The following CMYA5 variants were observed in gnomAD, a reference collection of about 807,000 sequenced individuals.
The protein encoded by CMYA5 is cardiomyopathy-associated protein 5.
A neutral mutation model predicts 318.9 loss-of-function variants in CMYA5; 246 were observed. The observed-to-expected ratio is 0.77, with a 90% confidence interval of 0.70 to 0.86. The LOEUF (loss-of-function observed/expected upper bound fraction) is 0.86. Ranked by LOEUF, CMYA5 falls within the 40% of genes least tolerant of loss-of-function variation. The pLI is 0.00. For missense variants in CMYA5, 4,589 were observed against 4,678.2 expected (o/e 0.98, Z 0.56); for synonymous variants, 1,641 against 1,729.5 (o/e 0.95, Z 1.27).
At chr5:79,696,198 A>C (rs1827063130) in intron 1 of CMYA5, among the ~76,000 whole-genome samples, 1 of 152,224 alleles carries the variant, frequency 6.6e-6, no homozygotes, top group Non-Finnish European at 1.5e-5. Context: ...TGGAGGGAAC[A>C]GTGATAAGTA....
At chr5:79,796,254 G>A (rs995458245) in intron 12 of CMYA5, among the ~76,000 whole-genome samples, 4 of 152,142 alleles carry the variant, frequency 2.6e-5, no homozygotes, top group African/African-American at 4.8e-5. Context: ...GGTGCCACAC[G>A]TGGCTATTAA....
At position 79,790,951 on chromosome 5, in the gene CMYA5, A is replaced by G. The variant is rs778147883; in HGVS notation, c.11690-19A>G. 118 of 1,561,922 alleles carry G rather than the reference A, an allele frequency of 7.6e-5. No homozygotes were observed. Among genetic ancestry groups the G allele is most frequent in the Middle Eastern group, 6.7e-4 (4 of 5,982 alleles). On this transcript the variant is annotated intron_variant, in intron 10 of 12. Transcript: ENST00000446378. ...GTCCTTGTGGCAATGTTTTAATACT[A>G]TTTTCTCACCTGCAATAGGAACCAG...
At position 79,736,627 on chromosome 5, in the gene CMYA5, C is replaced by T. The variant is rs779463891; in HGVS notation, c.7862C>T (p.Pro2621Leu). ...AAGGCAGTAGGAACCCAACCACATCCTTTAGAAGAAAGTAAAGTTTTGGTG... is the reference window on the plus strand; with the variant it reads ...AAGGCAGTAGGAACCCAACCACATCTTTTAGAAGAAAGTAAAGTTTTGGTG... ...EAKAVGTQPHPLEESKVLVEK... is the reference protein window; with the variant it reads ...EAKAVGTQPHLLEESKVLVEK... Residue 2621 changes from proline to leucine, a missense_variant, in exon 2 of 13, where the codon CCT (proline) becomes CTT (leucine). By Grantham distance (98) the Pro-to-Leu change is moderately conservative (BLOSUM62 -3). Around this residue, in one of 3 missense-constraint regions of CMYA5, gnomAD observed 2,431 missense variants for 2,495.1 expected, o/e 0.97. Coordinates refer to ENST00000446378, the MANE Select transcript of CMYA5 (RefSeq NM_153610.5). The T allele has an allele frequency of 6.2e-7, 1 of 1,613,668 alleles. No individual in the cohort carries two copies. The highest frequency in any genetic ancestry group is 1.3e-5 in the African/African-American group (1 of 74,886).
intron 1 of CMYA5, among the ~76,000 whole-genome samples, chr5:79,727,983 A>G (rs1440578136): frequency 6.6e-6 from 1 of 152,222 alleles, no homozygotes; most frequent in Non-Finnish European, 1.5e-5. Flanking sequence ...TACAGATAAC[A>G]TTTATTGAGT....
At chr5:79,709,062 C>T (rs145773165) in intron 1 of CMYA5, among the ~76,000 whole-genome samples, 2 of 152,010 alleles carry the variant, frequency 1.3e-5, no homozygotes, top group African/African-American at 2.4e-5. Flanking sequence ...AGGTAAGAGC[C>T]GGCTCAGTGA....
chr5:79,771,579 G>A (rs912661235), intron 9 of CMYA5, among the ~76,000 whole-genome samples: 1 of 152,156 alleles, frequency 6.6e-6, no homozygotes, highest in Non-Finnish European at 1.5e-5. Context: ...ATCTCACTAG[G>A]GAACAGTGAT....
chr5:79,793,347 T>C, intron 11 of CMYA5, 90 bp from the exon 12 acceptor site: 1 of 1,314,636 alleles, frequency 7.6e-7, no homozygotes, highest in Non-Finnish European at 1.1e-6. Context: ...GAATCCTGCC[T>C]AAACTGTGTG....
chr5:79,726,292 C>T (rs1580762153), intron 1 of CMYA5, among the ~76,000 whole-genome samples: 5 of 152,180 alleles, frequency 3.3e-5, no homozygotes, highest in African/African-American at 9.7e-5. Context: ...CATGGGCATT[C>T]AAAATGCTGA....
chr5:79,794,361 T>C (rs1037427207), intron 12 of CMYA5, among the ~76,000 whole-genome samples: 10 of 152,212 alleles, frequency 6.6e-5, no homozygotes, highest in African/African-American at 2.4e-4. Context: ...ATTGTTTGGT[T>C]GGTTGATGTG....
chr5:79,754,731 A>C (rs185475274), intron 6 of CMYA5, among the ~76,000 whole-genome samples: 1 of 152,286 alleles, frequency 6.6e-6, no homozygotes, highest in Non-Finnish European at 1.5e-5. Flanking sequence ...AGTGGCATTA[A>C]GGACATTCAC....
intron 1 of CMYA5, among the ~76,000 whole-genome samples, chr5:79,701,433 A>G (rs1827173280): frequency 6.6e-6 from 1 of 152,204 alleles, no homozygotes; most frequent in Non-Finnish European, 1.5e-5. Context: ...ACTTGATTGT[A>G]AAATGTCTCA....
At position 79,785,645 on chromosome 5, in the gene CMYA5, C is replaced by T. The variant is rs141500773; in HGVS notation, c.11556-3326C>T. ...ATATCTAGCCATCTTACTGAATTCT[C>T]TTATTATGTAAGAGTTTTTCAACTG... On this transcript the variant is annotated intron_variant, in intron 9 of 12. Transcript: ENST00000446378. Among the ~76,000 whole-genome samples, 184 of 152,066 alleles carry T rather than the reference C, an allele frequency of 1.2e-3. 2 individuals are homozygous for T. Among genetic ancestry groups the T allele is most frequent in the African/African-American group, 4.2e-3 (175 of 41,476 alleles).
At position 79,736,358 on chromosome 5, in the gene CMYA5, T is replaced by C. The variant is rs1374138868; in HGVS notation, c.7593T>C (p.Val2531=). 6.2e-7 allele frequency: 1 copy of C among 1,613,480 alleles called. No homozygotes were observed. The highest frequency in any genetic ancestry group is 1.7e-5 in the Admixed American group (1 of 59,896). The change falls in exon 2 of 13, where the codon GTT becomes GTC. Residue 2531 remains valine, a synonymous_variant. Transcript: ENST00000446378. ...ACAATGAAAGACCCAAAATCATTGT[T>C]GGTTCTGAAAAGGAGAAAGGTGAAG... ...EDYNERPKII[V]GSEKEKGEEK... is the part of the protein sequence containing the mutation.
In CMYA5 at chr5:79,729,997, ACT is replaced by A; in HGVS notation, c.1235_1236del (p.Ser412PhefsTer8). 3 of 1,613,968 alleles carry A rather than the reference ACT, an allele frequency of 1.9e-6. No individual in the cohort carries two copies. The Admixed American group carries it at 5.0e-5, about 27-fold the overall frequency. On this transcript the variant is annotated frameshift_variant, in exon 2 of 13. Coordinates refer to ENST00000446378, the MANE Select transcript of CMYA5 (RefSeq NM_153610.5). LOFTEE classifies it high-confidence loss of function. ...CCAGGAACTGCAGCTTCAGAGAATG[ACT>A]CTTCAGTCTCACCATCATTTGCTAA...
At position 79,734,760 on chromosome 5, in the gene CMYA5, A is replaced by G; in HGVS notation, c.5995A>G (p.Asn1999Asp). Residue 1999 changes from asparagine (N) to aspartate (D), a missense_variant, in exon 2 of 13, where the codon AAT becomes GAT. Transcript: ENST00000446378. The part of the protein sequence containing the change: ...EEPKSLVLAG[N>D]VERNIAEGKE... ...ACCAAAGTCTTTAGTCCTAGCTGGAAATGTAGAGAGAAACATAGCAGAGGG... is the reference window on the plus strand; with the variant it reads ...ACCAAAGTCTTTAGTCCTAGCTGGAGATGTAGAGAGAAACATAGCAGAGGG... 1.2e-6 allele frequency: 2 copies of G among 1,613,844 alleles called. No homozygotes were observed. The highest frequency in any genetic ancestry group is 1.7e-6 in the Non-Finnish European group (2 of 1,179,828).
intron 12 of CMYA5, among the ~76,000 whole-genome samples, chr5:79,794,929 C>T (rs1829248744): frequency 6.6e-6 from 1 of 152,116 alleles, no homozygotes; most frequent in East Asian, 1.9e-4. Context: ...TGCATAAGGA[C>T]CCAGCCCCTA....
intron 1 of CMYA5, 86 bp downstream of exon 1, chr5:79,690,142 G>A (rs1246028892): frequency 7.3e-6 from 10 of 1,366,450 alleles, no homozygotes; most frequent in Non-Finnish European, 9.4e-6. Flanking sequence ...TTAAGCTCTG[G>A]GGTTCGTTTG....
In CMYA5 at chr5:79,689,935, G is replaced by T; in HGVS notation, c.28G>T (p.Gly10Cys). Residue 10 changes from glycine to cysteine, a missense_variant, in exon 1 of 13, where the codon GGC becomes TGC. By Grantham distance (159) the Gly-to-Cys change is radical. This residue lies in a region of CMYA5 where 2,132 missense variants were observed against 2,131.3 expected (regional missense o/e 1.00). Coordinates refer to ENST00000446378, the MANE Select transcript of CMYA5 (RefSeq NM_153610.5). ...GGCGAGCCGCGATAGCAACCACGCTGGCGAGAGCTTTCTCGGCTCCGACGG... is the reference window on the plus strand; with the variant it reads ...GGCGAGCCGCGATAGCAACCACGCTTGCGAGAGCTTTCTCGGCTCCGACGG... MASRDSNHAGESFLGSDGDE... is the reference protein window; with the variant it reads MASRDSNHACESFLGSDGDE... 1 of 989,020 alleles carries T rather than the reference G, an allele frequency of 1.0e-6. No individual in the cohort carries two copies. Among genetic ancestry groups the T allele is most frequent in the Non-Finnish European group, 1.6e-6 (1 of 639,952 alleles). The allele number at this position is 989,020 out of a possible 1,614,324, so 61.3% of individuals were successfully genotyped here.
Position 79,763,174 on chromosome 5 carries a change from C to T in CMYA5, c.11520C>T (p.Tyr3840=). The T allele has an allele frequency of 6.2e-7, 1 of 1,611,278 alleles. No homozygotes were observed. The highest frequency in any genetic ancestry group is 8.5e-7 in the Non-Finnish European group (1 of 1,179,090). The change falls in exon 9 of 13, where the codon TAC becomes TAT. Residue 3840 remains tyrosine, a synonymous_variant. Coordinates refer to ENST00000446378, the MANE Select transcript of CMYA5 (RefSeq NM_153610.5). ...PEATETYTLE[Y]CRQHSPEGEG... ...CCACGGAGACCTACACTCTGGAGTA[C>T]TGCAGACAGCACTCTCCTGAGGGAG...
Sources: gnomAD v4.1 joint callset for allele counts (sites outside exome capture counted in the v4.1 genomes callset) on GRCh38, gnomAD v4.1.1 for gene constraint, gnomAD v4.1.1 regional missense constraint, MANE v1.5 for transcripts, NCBI Gene and HGNC (gene_info 2026-07-23, HGNC 2026-07-21) for gene names.